HS6ST3: variants seen among roughly 807,000 people sequenced by gnomAD.
HS6ST3 encodes the protein heparan-sulfate 6-O-sulfotransferase 3.
A neutral mutation model predicts 36.7 loss-of-function variants in HS6ST3; 12 were observed. The observed-to-expected ratio is 0.33, with a 90% CI of 0.21 to 0.53. HS6ST3 has a LOEUF of 0.53. Ranked by LOEUF, HS6ST3 falls within the 20% of genes least tolerant of loss-of-function variation. HS6ST3 has a pLI of 0.95. For synonymous variants in HS6ST3, 240 were observed against 257.5 expected, an observed-to-expected ratio of 0.93 and a Z score of 0.65; for missense variants, 584 against 640.9, an observed-to-expected ratio of 0.91 and a Z score of 0.96.
chr13:96,508,577 G>A (rs963268783), intron 1 of HS6ST3, among the ~76,000 whole-genome samples: 19 of 151,998 alleles, frequency 1.3e-4, no homozygotes, highest in African/African-American at 4.4e-4. Flanking sequence ...CATTCTGTAT[G>A]CCTTTGTGTA....
At chr13:96,706,249 T>C (rs1217131028) in intron 1 of HS6ST3, among the ~76,000 whole-genome samples, 2 of 151,884 alleles carry the variant, frequency 1.3e-5, no homozygotes, top group Non-Finnish European at 2.9e-5. Flanking sequence ...TCCCGGATGC[T>C]GTGTTTGAGA....
At chr13:96,624,959 C>T (rs1044255343) in intron 1 of HS6ST3, among the ~76,000 whole-genome samples, 1 of 152,090 alleles carries the variant, frequency 6.6e-6, no homozygotes, top group Admixed American at 6.5e-5. Flanking sequence ...GCTTCATTCA[C>T]TCAGGAAAGA....
rs769325134 is a variant in HS6ST3 at position 96,833,170 on chromosome 13, A to T, written c.1388A>T (p.Asp463Val). The T allele has an allele frequency of 2.5e-6, 4 of 1,581,378 alleles. No individual in the cohort carries two copies. In the South Asian group the frequency reaches 4.6e-5, roughly 18 times the overall value. ...DGAAEGTVTE[D>V]YNSQVVRW ...GCTGCAGAAGGGACTGTCACCGAGGACTACAACAGCCAGGTGGTGAGATGG... is the reference window on the plus strand; with the variant it reads ...GCTGCAGAAGGGACTGTCACCGAGGTCTACAACAGCCAGGTGGTGAGATGG... Residue 463 changes from aspartate to valine, a missense_variant, in exon 2 of 2, where the codon GAC becomes GTC. Physicochemically the swap from Asp to Val is radical, Grantham distance 152. This residue lies in a region of HS6ST3 where 360 missense variants were observed against 411.3 expected (regional missense o/e 0.88). Coordinates refer to ENST00000376705, the MANE Select transcript of HS6ST3 (RefSeq NM_153456.4).
chr13:96,713,920 G>A (rs1297229434), intron 1 of HS6ST3, among the ~76,000 whole-genome samples: 1 of 152,110 alleles, frequency 6.6e-6, no homozygotes, highest in Non-Finnish European at 1.5e-5. Context: ...TATGACAGGA[G>A]TAGCATATAA....
chr13:96,789,042 A>T (rs1281638563), intron 1 of HS6ST3, among the ~76,000 whole-genome samples: 1 of 151,460 alleles, frequency 6.6e-6, no homozygotes, highest in Non-Finnish European at 1.5e-5. Flanking sequence ...TAGGCCTACC[A>T]TTTTTATTTG....
At chr13:96,372,950 A>T (rs1036923071) in intron 1 of HS6ST3, among the ~76,000 whole-genome samples, 1 of 152,032 alleles carries the variant, frequency 6.6e-6, no homozygotes, top group African/African-American at 2.4e-5. Flanking sequence ...AGTTCTAGAG[A>T]CCACAAATTC....
intron 1 of HS6ST3, among the ~76,000 whole-genome samples, chr13:96,698,202 C>T (rs559418054): frequency 6.6e-6 from 1 of 152,132 alleles, no homozygotes; most frequent in Non-Finnish European, 1.5e-5. Context: ...CTGCTCCCCC[C>T]ACCCCACAAC....
chr13:96,214,510 T>A (rs2054414462), intron 1 of HS6ST3, among the ~76,000 whole-genome samples: 1 of 152,218 alleles, frequency 6.6e-6, no homozygotes, highest in South Asian at 2.1e-4. Flanking sequence ...ACTGTATTAG[T>A]CTCTAAGGGT....
At chr13:96,317,322 T>C (rs1401640213) in intron 1 of HS6ST3, among the ~76,000 whole-genome samples, 2 of 124,848 alleles carry the variant, frequency 1.6e-5, no homozygotes, top group Non-Finnish European at 3.2e-5. Context: ...TGTGTAGTAT[T>C]CCATTATATA....
rs1212622796 is a variant in HS6ST3, at chr13:96,837,758, T to A, written c.*4560T>A. 1 of 149,968 alleles carries A rather than the reference T, an allele frequency of 6.7e-6. No homozygotes were observed. Among genetic ancestry groups the A allele is most frequent in the African/African-American group, 2.5e-5 (1 of 40,506 alleles). The allele number at this position is 149,968 out of a possible 1,614,324, so 9.3% of individuals were successfully genotyped here. On this transcript the variant is annotated 3_prime_UTR_variant, in exon 2 of 2. Coordinates refer to ENST00000376705, the MANE Select transcript of HS6ST3 (RefSeq NM_153456.4). ...TAGCAGGTTGTCTACTCCATCCAAC[T>A]CAAAACCTATTCAATATGAAGGCCG...
At chr13:96,761,183 C>A (rs979794792) in intron 1 of HS6ST3, among the ~76,000 whole-genome samples, 2 of 151,216 alleles carry the variant, frequency 1.3e-5, no homozygotes, top group African/African-American at 4.9e-5. Context: ...GACACAATCT[C>A]GGCTCACTGC....
chr13:96,799,774 A>T (rs1877998320), intron 1 of HS6ST3, among the ~76,000 whole-genome samples: 1 of 144,668 alleles, frequency 6.9e-6, no homozygotes, highest in South Asian at 2.1e-4. Context: ...TAAAACTTAA[A>T]GTATAATAAT....
At chr13:96,409,378 G>T (rs2055496060) in intron 1 of HS6ST3, among the ~76,000 whole-genome samples, 2 of 152,210 alleles carry the variant, frequency 1.3e-5, no homozygotes, top group African/African-American at 4.8e-5. Context: ...TGGGATTAGA[G>T]AAATTCTGTA....
rs75649500 is a variant in HS6ST3 at position 96,470,809 on chromosome 13, C to A, written c.708-361681C>A. ...TCCTGCCCACCTGTATGGTTTGTGA[C>A]CCTGTTCCTTACATCCTTTTTGGTA... is the stretch of plus-strand genomic sequence containing the variant. On this transcript the variant is annotated intron_variant, in intron 1 of 1. Transcript: ENST00000376705. Among the ~76,000 whole-genome samples the A allele has an allele frequency of 2.9e-3, 442 of 152,226 alleles. 3 individuals carry two copies. The highest frequency in any genetic ancestry group is 0.01 in the African/African-American group (419 of 41,534).
intron 1 of HS6ST3, among the ~76,000 whole-genome samples, chr13:96,405,403 C>T (rs1424060081): frequency 6.6e-6 from 1 of 151,962 alleles, no homozygotes; most frequent in Non-Finnish European, 1.5e-5. Flanking sequence ...TATGGTATTA[C>T]CATGTTTGGT....
chr13:96,643,324 A>C (rs2056577109), intron 1 of HS6ST3, among the ~76,000 whole-genome samples: 1 of 151,930 alleles, frequency 6.6e-6, no homozygotes, highest in South Asian at 2.1e-4. Flanking sequence ...CCCCAAGTCC[A>C]GCCAGAGGTT....
At chr13:96,249,594 A>C (rs1031917462) in intron 1 of HS6ST3, among the ~76,000 whole-genome samples, 1 of 152,196 alleles carries the variant, frequency 6.6e-6, no homozygotes, top group African/African-American at 2.4e-5. Flanking sequence ...TCTTTGCAGT[A>C]TGAATGACTT....
At chr13:96,658,601 T>TCAACC (rs1312075112) in intron 1 of HS6ST3, among the ~76,000 whole-genome samples, 1 of 150,882 alleles carries the variant, frequency 6.6e-6, no homozygotes, top group African/African-American at 2.4e-5. Flanking sequence ...CTTCTATTGA[T>TCAACC]CATTATTTGG....
At chr13:96,160,118 T>A (rs2054129068) in intron 1 of HS6ST3, among the ~76,000 whole-genome samples, 1 of 152,246 alleles carries the variant, frequency 6.6e-6, no homozygotes, top group Non-Finnish European at 1.5e-5. Context: ...ATAGCAATAA[T>A]AACTTAAAAT....
Sources: gnomAD v4.1 joint callset for allele counts (sites outside exome capture counted in the v4.1 genomes callset) on GRCh38, gnomAD v4.1.1 for gene constraint, gnomAD v4.1.1 regional missense constraint, MANE v1.5 for transcripts, NCBI Gene and HGNC (gene_info 2026-07-23, HGNC 2026-07-21) for gene names.